Variants in PGM3 observed in about 807,000 individuals in gnomAD.
PGM3 encodes phosphoglucomutase 3, also known as phosphoacetylglucosamine mutase.
A neutral mutation model predicts 66.2 loss-of-function variants in PGM3; 40 were observed. That is an observed-to-expected ratio of 0.60 (90% CI 0.47 to 0.79). The LOEUF (loss-of-function observed/expected upper bound fraction) is 0.79, where lower values mean the gene tolerates loss of function less well. Among genes scored for constraint, PGM3 ranks in the 30% least tolerant of loss-of-function variants. PGM3 has a pLI of 0.00. For synonymous variants in PGM3, 191 were observed against 224.2 expected, an observed-to-expected ratio of 0.85 and a Z score of 1.32; for missense variants, 537 against 643.4, an observed-to-expected ratio of 0.83 and a Z score of 1.79.
At chr6:83,183,665 A>G (rs1276634874) in intron 4 of PGM3, among the ~76,000 whole-genome samples, 1 of 152,172 alleles carries the variant, frequency 6.6e-6, no homozygotes, top group Non-Finnish European at 1.5e-5. Context: ...TACCAAGCAC[A>G]GGCCCTTGCA....
chr6:83,174,485 T>G lies in PGM3; in HGVS notation c.1131A>C (p.Ala377=). The G allele has an allele frequency of 6.6e-7, 1 of 1,506,542 alleles. No homozygotes were observed. 93.3% of individuals were successfully genotyped at this position (1,506,542 alleles called of 1,614,324 possible). A position where few individuals can be genotyped will look rare whatever the true frequency, so the allele number is the denominator to read the frequency against. ...VYFEANGHGT[A]LFSTAVEMKI... is the part of the protein sequence containing the mutation. ...TCATTTCAACAGCTGTACTAAACAG[T>G]GCCTGCAGCAAAAGAATATAAAATC... Residue 377 remains alanine (A), a splice_region_variant and synonymous_variant, in exon 10 of 13, where the codon GCA becomes GCC. Coordinates refer to ENST00000513973, the MANE Select transcript of PGM3 (RefSeq NM_015599.3).
At chr6:83,189,383 C>T (rs762218228) in intron 2 of PGM3, among the ~76,000 whole-genome samples, 3 of 152,186 alleles carry the variant, frequency 2.0e-5, no homozygotes, top group Non-Finnish European at 4.4e-5. Context: ...CAGTGAATGT[C>T]ACCTGAAAGA....
chr6:83,150,426 G>C, the PGM3 span, among the ~76,000 whole-genome samples: 1 of 151,906 alleles, frequency 6.6e-6, no homozygotes, highest in Admixed American at 6.6e-5. Context: ...TCAGAATGAA[G>C]GATCCTCTTC....
At position 83,167,762 on chromosome 6, in the gene PGM3, T is replaced by C. The variant is rs548948427; in HGVS notation, c.*1472A>G. ...GTTAGAAACTTAATGTCATTTGTAT[T>C]CATTTCTTGACCAATTGCCAAAGTT... On this transcript the variant is annotated 3_prime_UTR_variant, in exon 13 of 13. Transcript: ENST00000513973. 2.8e-6 allele frequency: 4 copies of C among 1,452,590 alleles called. No individual in the cohort carries two copies. The East Asian group carries it at 7.5e-5, about 27-fold the overall frequency. The allele number at this position is 1,452,590 out of a possible 1,614,324, so 90.0% of individuals were successfully genotyped here.
chr6:83,184,638 G>A (rs1788440200), intron 4 of PGM3, among the ~76,000 whole-genome samples: 1 of 152,216 alleles, frequency 6.6e-6, no homozygotes, highest in Non-Finnish European at 1.5e-5. Flanking sequence ...CCTGGAATGT[G>A]TTCTTCACAG....
At chr6:83,190,772 A>G in intron 2 of PGM3, 37 bp downstream of exon 2, 1 of 1,500,246 alleles carries the variant, frequency 6.7e-7, no homozygotes, top group African/African-American at 1.4e-5. Context: ...GGTCTTGTAA[A>G]TAATGGTCTG....
intron 3 of PGM3, 89 bp from the exon 4 acceptor site, chr6:83,187,164 A>G: frequency 1.3e-6 from 1 of 775,488 alleles, no homozygotes; most frequent in South Asian, 1.6e-5. Flanking sequence ...ATTACATGCT[A>G]CAAATTTCAA....
chr6:83,164,777 C>G, downstream of PGM3: 1 of 1,431,644 alleles, frequency 7.0e-7, no homozygotes, highest in Non-Finnish European at 9.6e-7. Context: ...AATATTGAGA[C>G]ACAAACCCAG....
At chr6:83,161,697 CTTTTAG>C (rs1255365214), downstream of PGM3, among the ~76,000 whole-genome samples, 4 of 152,110 alleles carry the variant, frequency 2.6e-5, no homozygotes, top group African/African-American at 9.7e-5. Flanking sequence ...TTTCCTTTTA[CTTTTAG>C]TAACAGAAGC....
intron 4 of PGM3, 133 bp downstream of exon 4, chr6:83,186,875 A>T: frequency 1.9e-6 from 1 of 536,620 alleles, no homozygotes; most frequent in Non-Finnish European, 3.3e-6. Flanking sequence ...AGTATTTTGT[A>T]TCTAGGAGTT....
At chr6:83,160,836 C>A (rs1689485921), downstream of PGM3, among the ~76,000 whole-genome samples, 1 of 151,932 alleles carries the variant, frequency 6.6e-6, no homozygotes, top group African/African-American at 2.4e-5. Context: ...TGCTACTGAG[C>A]TTTTTCTCTT....
chr6:83,167,372 AC>A lies in PGM3; in HGVS notation c.*1861del, dbSNP rs1437241476. On this transcript the variant is annotated 3_prime_UTR_variant, in exon 13 of 13. Coordinates refer to ENST00000513973, the MANE Select transcript of PGM3 (RefSeq NM_015599.3). Reference sequence around the variant, plus strand: ...TACTGACAGTAATTATTCACTTTGGACACTGCTACCATCATGGCAAATTTAG... The same window carrying A: ...TACTGACAGTAATTATTCACTTTGGAACTGCTACCATCATGGCAAATTTAG... 11 of 984,876 alleles carry A rather than the reference AC, an allele frequency of 1.1e-5. No homozygotes were observed. The highest frequency in any genetic ancestry group is 1.3e-5 in the Non-Finnish European group (11 of 829,408). 61.0% of individuals were successfully genotyped at this position (984,876 alleles called of 1,614,324 possible).
rs553405230 is a variant in PGM3 at position 83,184,143 on chromosome 6, A to C, written c.458-1165T>G. Among the ~76,000 whole-genome samples the C allele has an allele frequency of 4.6e-5, 7 of 152,340 alleles. No homozygotes were observed. In the South Asian group the frequency reaches 1.4e-3, roughly 32 times the overall value. On this transcript the variant is annotated intron_variant, in intron 4 of 12. Coordinates refer to ENST00000513973, the MANE Select transcript of PGM3 (RefSeq NM_015599.3). ...AAACGTCCCATAATTTTCAAAAACAAAAAGAAAGAAAACCAGCTTACAGTT... is the reference window on the plus strand; with the variant it reads ...AAACGTCCCATAATTTTCAAAAACACAAAGAAAGAAAACCAGCTTACAGTT...
intron 2 of PGM3, chr6:83,190,389 G>A (rs1788955365): frequency 5.8e-6 from 1 of 171,542 alleles, no homozygotes; most frequent in Admixed American, 5.8e-5. Context: ...TGTTCATTCA[G>A]AACAAGAAAT....
chr6:83,155,013 G>A, the PGM3 span, among the ~76,000 whole-genome samples: 8 of 152,064 alleles, frequency 5.3e-5, no homozygotes, highest in African/African-American at 1.7e-4. Flanking sequence ...CACGCATTGC[G>A]CTAACCTTAA....
At chr6:83,150,752 AAT>A in the PGM3 span, among the ~76,000 whole-genome samples, 2 of 152,228 alleles carry the variant, frequency 1.3e-5, no homozygotes, top group Admixed American at 1.3e-4. Context: ...AACTATTTTT[AAT>A]GTGTTATGGG....
intron 6 of PGM3, among the ~76,000 whole-genome samples, chr6:83,180,781 A>T (rs951034941): frequency 5.6e-4 from 85 of 152,310 alleles, no homozygotes; most frequent in African/African-American, 2.0e-3. Flanking sequence ...AATGAAAAGG[A>T]GCTCAAATTG....
the PGM3 span, chr6:83,153,720 AT>A: frequency 8.3e-7 from 1 of 1,204,084 alleles, no homozygotes; most frequent in Non-Finnish European, 1.1e-6. Flanking sequence ...ATAAAATGGC[AT>A]TTTTACCTTG....
chr6:83,163,703 TCA>T (rs1311833416), downstream of PGM3, among the ~76,000 whole-genome samples: 1 of 152,138 alleles, frequency 6.6e-6, no homozygotes, highest in African/African-American at 2.4e-5. Flanking sequence ...TTTTTGTAGT[TCA>T]CAGTGATGAT....
Sources: allele counts gnomAD v4.1 joint callset (sites outside exome capture counted in the v4.1 genomes callset), GRCh38; gene constraint gnomAD v4.1.1; transcripts MANE v1.5; gene names NCBI Gene and HGNC (gene_info 2026-07-23, HGNC 2026-07-21).